Variants in BLK observed in about 807,000 individuals in gnomAD.
BLK encodes the protein tyrosine-protein kinase Blk.
BLK carries 64 observed loss-of-function variants against 61.8 expected under a neutral mutation model. The observed-to-expected ratio is 1.03, with a 90% CI of 0.85 to 1.27. BLK has a LOEUF of 1.27. Ranked by LOEUF, BLK falls within the 50% of genes most tolerant of loss-of-function variation. The pLI, the probability that BLK is intolerant of heterozygous loss-of-function variation, is 0.00. For missense variants in BLK, 853 were observed against 660.5 expected (o/e 1.29, Z -3.19); for synonymous variants, 351 against 272.0 (o/e 1.29, Z -2.86).
At chr8:11,496,644 A>C (rs1267572838) in intron 1 of BLK, among the ~76,000 whole-genome samples, 1 of 152,108 alleles carries the variant, frequency 6.6e-6, no homozygotes, top group African/African-American at 2.4e-5. Flanking sequence ...GGCTCCTGGC[A>C]CCCCAAGCAC....
At chr8:11,556,003 T>C (rs1430201479) in intron 8 of BLK, 1 of 289,742 alleles carries the variant, frequency 3.5e-6, no homozygotes, top group African/African-American at 2.2e-5. Context: ...GTGTTCCGTT[T>C]TATCCCTGGA....
At position 11,563,119 on chromosome 8, in the gene BLK, C is replaced by T. The variant is rs569196746; in HGVS notation, c.1312+9C>T. ...GCGGGTGCCATACCCAGGTAGGTGG[C>T]TCACCCCGCAGCTCGCGGCTCCCTG... On this transcript the variant is annotated intron_variant, in intron 12 of 12. Coordinates refer to ENST00000259089, the MANE Select transcript of BLK (RefSeq NM_001715.3). 20 of 1,613,696 alleles carry T rather than the reference C, an allele frequency of 1.2e-5. No individual in the cohort carries two copies. The highest frequency in any genetic ancestry group is 8.9e-5 in the East Asian group (4 of 44,876).
chr8:11,548,056 A>G lies in BLK; in HGVS notation c.200A>G (p.Tyr67Cys). The change falls in exon 4 of 13, where the codon TAT becomes TGT. Residue 67 changes from tyrosine (Y) to cysteine (C), a missense_variant. Transcript: ENST00000259089. ...GACAAGCATTTCGTGGTGGCTCTGT[A>G]TGACTACACCGCTATGAATGATCGG... ...DEDKHFVVAL[Y>C]DYTAMNDRDL... is the part of the protein sequence containing the mutation. 1.2e-6 allele frequency: 2 copies of G among 1,614,056 alleles called. No homozygotes were observed. The highest frequency in any genetic ancestry group is 1.7e-6 in the Non-Finnish European group (2 of 1,180,010).
chr8:11,550,384 C>T, intron 6 of BLK, 122 bp downstream of exon 6: 1 of 912,148 alleles, frequency 1.1e-6, no homozygotes, highest in Non-Finnish European at 1.7e-6. Flanking sequence ...AGCTTCCGGG[C>T]TTGTGTCCCT....
chr8:11,518,999 C>T (rs897733928), intron 1 of BLK, among the ~76,000 whole-genome samples: 2 of 152,164 alleles, frequency 1.3e-5, no homozygotes, highest in Non-Finnish European at 2.9e-5. Context: ...TCTGTCCCGT[C>T]ATCCTGTTTG....
At chr8:11,543,065 A>C (rs1486103112) in intron 1 of BLK, among the ~76,000 whole-genome samples, 159 bp from the exon 2 acceptor site, 1 of 151,752 alleles carries the variant, frequency 6.6e-6, no homozygotes, top group Non-Finnish European at 1.5e-5. Context: ...TAGCTCACCC[A>C]CCCGCTTCTA....
chr8:11,538,408 G>A (rs2117417298), intron 1 of BLK, among the ~76,000 whole-genome samples: 1 of 152,340 alleles, frequency 6.6e-6, no homozygotes, highest in African/African-American at 2.4e-5. Context: ...CAAAGCCACT[G>A]GAGTAGGGGG....
Position 11,553,007 on chromosome 8 carries a change from C to T in BLK, c.473-1736C>T, listed in dbSNP as rs538910419. The stretch of plus-strand genomic sequence containing the variant: ...ACATGCAAACACATACACATGTCCA[C>T]GCATGCACATATACACACACACGCA... On this transcript the variant is annotated intron_variant, in intron 6 of 12. Coordinates refer to ENST00000259089, the MANE Select transcript of BLK (RefSeq NM_001715.3). 7.0e-5 allele frequency: 11 copies of T among 157,050 alleles called. No individual in the cohort carries two copies. In the East Asian group the frequency reaches 1.5e-3, roughly 22 times the overall value. 9.7% of individuals were successfully genotyped at this position (157,050 alleles called of 1,614,324 possible). A position where few individuals can be genotyped will look rare whatever the true frequency, so the allele number is the denominator to read the frequency against.
chr8:11,563,665 C>T (rs577996296), intron 12 of BLK, among the ~76,000 whole-genome samples: 1 of 152,326 alleles, frequency 6.6e-6, no homozygotes, highest in African/African-American at 2.4e-5. Flanking sequence ...GGACCTGCCC[C>T]GTACTCAGGA....
rs150585179 is a variant in BLK at position 11,506,287 on chromosome 8, C to T, written c.-2+11696C>T. Among the ~76,000 whole-genome samples the T allele has an allele frequency of 4.5e-3, 678 of 152,314 alleles. 2 individuals carry two copies. The highest frequency in any genetic ancestry group is 0.016 in the African/African-American group (651 of 41,568). ...GGAGGACAATGCCAGGGCTTTTTGC[C>T]TTCCCAAGGTCACAGCCTGAAGACA... is the stretch of plus-strand genomic sequence containing the variant. On this transcript the variant is annotated intron_variant, in intron 1 of 12. Transcript: ENST00000259089.
chr8:11,516,556 T>C (rs184564637), intron 1 of BLK, among the ~76,000 whole-genome samples: 6 of 152,300 alleles, frequency 3.9e-5, no homozygotes, highest in Non-Finnish European at 2.9e-5. Context: ...ATGAACGATA[T>C]CTGTTATAGC....
At chr8:11,540,409 T>A (rs1214051270) in intron 1 of BLK, among the ~76,000 whole-genome samples, 2 of 152,210 alleles carry the variant, frequency 1.3e-5, no homozygotes, top group Non-Finnish European at 2.9e-5. Context: ...ATTATTCCAA[T>A]TTCATGCGGT....
intron 4 of BLK, among the ~76,000 whole-genome samples, 178 bp downstream of exon 4, chr8:11,548,303 T>C (rs1424167180): frequency 6.6e-6 from 1 of 152,174 alleles, no homozygotes; most frequent in Admixed American, 6.5e-5. Flanking sequence ...CTCCAAAATC[T>C]TTCCGGTGAA....
intron 9 of BLK, among the ~76,000 whole-genome samples, chr8:11,557,409 C>G (rs559366553): frequency 1.3e-5 from 2 of 152,198 alleles, no homozygotes; most frequent in Admixed American, 1.3e-4. Context: ...CCAAGGGGCC[C>G]CCGGTCGGAG....
chr8:11,524,877 G>C (rs6992453), intron 1 of BLK, among the ~76,000 whole-genome samples: 1 of 146,242 alleles, frequency 6.8e-6, no homozygotes, highest in African/African-American at 2.5e-5. Context: ...AAAGCAGGTC[G>C]CAAAACAGGA....
chr8:11,563,172 C>G, intron 12 of BLK, 62 bp downstream of exon 12: 2 of 1,609,418 alleles, frequency 1.2e-6, no homozygotes, highest in Non-Finnish European at 1.7e-6. Flanking sequence ...GATGGCAGGT[C>G]GCCTGTGCTT....
chr8:11,506,327 G>T (rs1798768122), intron 1 of BLK, among the ~76,000 whole-genome samples: 1 of 152,210 alleles, frequency 6.6e-6, no homozygotes, highest in Non-Finnish European at 1.5e-5. Context: ...GAAAGATGTA[G>T]TTGGCTCATT....
At chr8:11,529,711 C>T (rs373899070) in intron 1 of BLK, among the ~76,000 whole-genome samples, 114 of 152,332 alleles carry the variant, frequency 7.5e-4, no homozygotes, top group African/African-American at 2.5e-3. Context: ...TAACTACAAA[C>T]TATAAATTAA....
At chr8:11,557,780 C>G in intron 9 of BLK, 182 bp from the exon 10 acceptor site, 1 of 608,872 alleles carries the variant, frequency 1.6e-6, no homozygotes, top group Non-Finnish European at 3.0e-6. Context: ...CTGAGACTGG[C>G]ATTTTGTAAA....
Sources: allele counts gnomAD v4.1 joint callset (sites outside exome capture counted in the v4.1 genomes callset), GRCh38; gene constraint gnomAD v4.1.1; transcripts MANE v1.5; gene names NCBI Gene and HGNC (gene_info 2026-07-23, HGNC 2026-07-21).